Variants in ABCC5 observed in about 807,000 individuals in gnomAD.
ABCC5 encodes ATP-binding cassette sub-family C member 5.
In ABCC5, 61 loss-of-function variants were observed where a neutral mutation model predicts 160.9. The ratio of observed to expected loss-of-function variants is 0.38; its 90% confidence interval spans 0.31 to 0.47. ABCC5 has a LOEUF of 0.47. Ranked by LOEUF, ABCC5 falls within the 20% of genes least tolerant of loss-of-function variation. The pLI, the probability that ABCC5 is intolerant of heterozygous loss-of-function variation, is 0.99. For missense variants in ABCC5, 1,308 were observed against 1,813.3 expected (o/e 0.72, Z 5.06); for synonymous variants, 666 against 700.6 (o/e 0.95, Z 0.78).
In ABCC5 at chr3:183,953,088, C is replaced by G. The variant is rs750734382; in HGVS notation, c.2665G>C (p.Gly889Arg). 3.7e-6 allele frequency: 6 copies of G among 1,613,062 alleles called. No homozygotes were observed. The highest frequency in any genetic ancestry group is 5.1e-6 in the Non-Finnish European group (6 of 1,179,666). Residue 889 changes from glycine (G) to arginine (R), a missense_variant and splice_region_variant, in exon 18 of 30, where the codon GGG becomes CGG. Coordinates refer to ENST00000334444, the MANE Select transcript of ABCC5 (RefSeq NM_005688.4). Reference sequence around the variant, plus strand: ...TTCCCATTTATGAGTAACCTTACCCCGCTTCCTTGCTTGATCCAGTAACTC... The same window carrying G: ...TTCCCATTTATGAGTAACCTTACCCGGCTTCCTTGCTTGATCCAGTAACTC... ...WLSYWIKQGS[G>R]NTTVTRGNET...
intron 17 of ABCC5, among the ~76,000 whole-genome samples, chr3:183,957,592 G>T (rs1296329196): frequency 6.6e-6 from 1 of 151,706 alleles, no homozygotes; most frequent in Non-Finnish European, 1.5e-5. Flanking sequence ...ATGCTTATCC[G>T]TGTGTACATC....
In ABCC5 at chr3:183,971,924, TAGG is replaced by T; in HGVS notation, c.1405-8_1405-6del. 1 of 1,613,742 alleles carries T rather than the reference TAGG, an allele frequency of 6.2e-7. No individual in the cohort carries two copies. The highest frequency in any genetic ancestry group is 8.5e-7 in the Non-Finnish European group (1 of 1,180,018). On this transcript the variant is annotated splice_polypyrimidine_tract_variant and splice_region_variant and intron_variant, in intron 10 of 29. Transcript: ENST00000334444. ...CTCTTCCATTAGAAACAAACTCTGATAGGAGTTGTGAGAGAGGTGCAAAGATGA... is the reference window on the plus strand; with the variant it reads ...CTCTTCCATTAGAAACAAACTCTGATAGTTGTGAGAGAGGTGCAAAGATGA...
At chr3:183,955,851 T>C (rs1304410457) in intron 17 of ABCC5, among the ~76,000 whole-genome samples, 1 of 143,818 alleles carries the variant, frequency 7.0e-6, no homozygotes, top group African/African-American at 2.5e-5. Context: ...TCACATCGGT[T>C]ACATGCAGAT....
rs1718427405 is a variant in ABCC5 at position 183,978,613 on chromosome 3, C to T, written c.1186G>A (p.Gly396Arg). The T allele has an allele frequency of 6.2e-7, 1 of 1,613,830 alleles. No individual in the cohort carries two copies. Among genetic ancestry groups the T allele is most frequent in the Admixed American group, 1.7e-5 (1 of 59,956 alleles). ...EEERRILEKA[G>R]YFQSITVGVA... The stretch of plus-strand genomic sequence containing the variant: ...CCCACAGTGATGCTCTGGAAGTACC[C>T]AGCTTTTTCCAATATCCGACGCTCC... The change falls in exon 9 of 30, where the codon GGG (glycine) becomes AGG (arginine). Residue 396 changes from glycine (G) to arginine (R), a missense_variant. Physicochemically the swap from Gly to Arg is moderately radical, Grantham distance 125 (BLOSUM62 -2). Around this residue, in one of 3 missense-constraint regions of ABCC5, gnomAD observed 1,142 missense variants for 1,527.1 expected, o/e 0.75. Coordinates refer to ENST00000334444, the MANE Select transcript of ABCC5 (RefSeq NM_005688.4).
At chr3:183,958,514 A>G (rs779510518) in intron 17 of ABCC5, among the ~76,000 whole-genome samples, 4 of 152,216 alleles carry the variant, frequency 2.6e-5, no homozygotes, top group African/African-American at 4.8e-5. Flanking sequence ...GGGTGTGTCA[A>G]TAAGGTATCA....
rs568755447 is a variant in ABCC5, at chr3:183,972,641, A to C, written c.1405-722T>G. Among the ~76,000 whole-genome samples, 5 of 152,280 alleles carry C rather than the reference A, an allele frequency of 3.3e-5. No individual in the cohort carries two copies. In the East Asian group the frequency reaches 9.6e-4, roughly 29 times the overall value. ...TCCCAGAGACCCCTGAGTTATGTTAAAAGAAAAATAATTTTTTTTTTGAGA... is the reference window on the plus strand; with the variant it reads ...TCCCAGAGACCCCTGAGTTATGTTACAAGAAAAATAATTTTTTTTTTGAGA... On this transcript the variant is annotated intron_variant, in intron 10 of 29. Transcript: ENST00000334444.
rs994252936 is a variant in ABCC5, at chr3:183,992,561, G to A, written c.130-3178C>T. 1.5e-4 allele frequency among the ~76,000 whole-genome samples: 23 copies of A among 152,066 alleles called. No individual in the cohort carries two copies. In the East Asian group the frequency reaches 4.5e-3, roughly 29 times the overall value. On this transcript the variant is annotated intron_variant, in intron 2 of 29. Transcript: ENST00000334444. ...AGCACTTTGGGAGGCCAAGGTGGGCGGATCACGAGGTCAGGAGATCGAGAC... is the reference window on the plus strand; with the variant it reads ...AGCACTTTGGGAGGCCAAGGTGGGCAGATCACGAGGTCAGGAGATCGAGAC...
In ABCC5 at chr3:183,953,213, C is replaced by A; in HGVS notation, c.2540G>T (p.Gly847Val). 4 of 1,614,130 alleles carry A rather than the reference C, an allele frequency of 2.5e-6. No individual in the cohort carries two copies. Among genetic ancestry groups the A allele is most frequent in the Non-Finnish European group, 3.4e-6 (4 of 1,180,010 alleles). ...GCCCCCAGCAGCCTGGATGTAGACA[C>A]CATATACTGACCAGGGCACTGAACC... ...GQGSVPWSVY[G>V]VYIQAAGGPL... Residue 847 changes from glycine (G) to valine (V), a missense_variant, in exon 18 of 30, where the codon GGT (glycine) becomes GTT (valine). Physicochemically the swap from Gly to Val is moderately radical, Grantham distance 109. Coordinates refer to ENST00000334444, the MANE Select transcript of ABCC5 (RefSeq NM_005688.4).
intron 10 of ABCC5, among the ~76,000 whole-genome samples, chr3:183,975,736 G>C (rs1411109435): frequency 6.6e-6 from 1 of 151,994 alleles, no homozygotes; most frequent in Non-Finnish European, 1.5e-5. Flanking sequence ...TAAGATAGAA[G>C]GGGTCTAAAG....
At chr3:184,006,818 C>A (rs182982217) in intron 2 of ABCC5, among the ~76,000 whole-genome samples, 138 of 152,122 alleles carry the variant, frequency 9.1e-4, no homozygotes, top group African/African-American at 3.1e-3. Flanking sequence ...AAAGGGTCAG[C>A]CTACCACAGA....
At chr3:183,945,486 G>C (rs986123280) in intron 24 of ABCC5, among the ~76,000 whole-genome samples, 1 of 152,196 alleles carries the variant, frequency 6.6e-6, no homozygotes, top group African/African-American at 2.4e-5. Flanking sequence ...AAGCTCAGCA[G>C]GGGGTCCTGA....
At position 183,951,198 on chromosome 3, in the gene ABCC5, C is replaced by CTG. The variant is rs1389861295; in HGVS notation, c.2944+241_2944+242dup. ...AGAAACCAATGCATTGCTTTAAAAT[C>CTG]TGTGTGTGTTTCAGAATCTCAGATG... is the stretch of plus-strand genomic sequence containing the variant. On this transcript the variant is annotated intron_variant, in intron 20 of 29. Coordinates refer to ENST00000334444, the MANE Select transcript of ABCC5 (RefSeq NM_005688.4). The surrounding 1 kb of genome is among the most constrained non-coding windows in gnomAD (Gnocchi z 4.7). Among the ~76,000 whole-genome samples, 12 of 152,224 alleles carry CTG rather than the reference C, an allele frequency of 7.9e-5. No individual in the cohort carries two copies. Among genetic ancestry groups the CTG allele is most frequent in the Non-Finnish European group, 1.5e-5 (1 of 68,044 alleles).
chr3:183,946,496 TG>T (rs1225105313), intron 23 of ABCC5, among the ~76,000 whole-genome samples: 1 of 152,290 alleles, frequency 6.6e-6, no homozygotes, highest in African/African-American at 2.4e-5. Context: ...CACATATCTC[TG>T]GGGTTCCTTT....
Position 183,988,574 on chromosome 3 carries a change from T to A in ABCC5, c.441A>T (p.Arg147Ser). 1 of 1,612,696 alleles carries A rather than the reference T, an allele frequency of 6.2e-7. No homozygotes were observed. The highest frequency in any genetic ancestry group is 8.5e-7 in the Non-Finnish European group (1 of 1,179,580). ...GAGGGTGGACCAGAGGCGCCTACCT[T>A]CTGCAGTTCACGTCAGAAGACTCGT... is the stretch of plus-strand genomic sequence containing the variant. ...SKHESSDVNC[R>S]RLERLWQEEL... The change falls in exon 4 of 30, where the codon AGA becomes AGT. Residue 147 changes from arginine (R) to serine (S), a missense_variant and splice_region_variant. This residue lies in a region of ABCC5 where 1,142 missense variants were observed against 1,527.1 expected (regional missense o/e 0.75). Coordinates refer to ENST00000334444, the MANE Select transcript of ABCC5 (RefSeq NM_005688.4). The surrounding 1 kb of genome is among the most constrained non-coding windows in gnomAD (Gnocchi z 4.4).
At chr3:183,980,159 A>G (rs996656558) in intron 8 of ABCC5, among the ~76,000 whole-genome samples, 10 of 152,128 alleles carry the variant, frequency 6.6e-5, no homozygotes, top group African/African-American at 2.2e-4. Context: ...ACAGGCATGT[A>G]CCACTGTACC....
rs535216137 is a variant in ABCC5 at position 183,982,714 on chromosome 3, A to G, written c.825+60T>C. On this transcript the variant is annotated intron_variant, in intron 6 of 29. Transcript: ENST00000334444. This position sits in a 1 kb window ranked among gnomAD's most constrained non-coding sequence, Gnocchi z 5.2. ...GATAAAGGATAAGGCAGGGCCCTAG[A>G]GGAATGAACCTCAAGCTAGGAAGTT... 2.6e-4 allele frequency: 413 copies of G among 1,608,722 alleles called. 2 individuals are homozygous for G. In the South Asian group the frequency reaches 4.3e-3, roughly 17 times the overall value.
intron 25 of ABCC5, 64 bp from the exon 26 acceptor site, chr3:183,938,124 TTAGCCTCAGGGCAATGCCAAC>T (rs1358270563): frequency 4.5e-6 from 7 of 1,548,014 alleles, no homozygotes; most frequent in Non-Finnish European, 6.2e-6. Flanking sequence ...CAATGCTGGT[TTAGCCTCAGGGCAATGCCAAC>T]TATTTTTCCA....
At chr3:183,956,372 C>A (rs13097656) in intron 17 of ABCC5, among the ~76,000 whole-genome samples, 565 of 85,310 alleles carry the variant, frequency 6.6e-3, no homozygotes, top group Middle Eastern at 0.04. Context: ...TTACATGCAG[C>A]TCCGTGTGTA....
chr3:183,984,716 G>A, intron 5 of ABCC5: 1 of 1,528,464 alleles, frequency 6.5e-7, no homozygotes, highest in South Asian at 1.2e-5. Context: ...TATACAGCCG[G>A]GTTGCTGGTT....
Sources: gnomAD v4.1 joint callset for allele counts (sites outside exome capture counted in the v4.1 genomes callset) on GRCh38, gnomAD v4.1.1 for gene constraint, gnomAD v4.1.1 regional missense constraint, Gnocchi (gnomAD v3.1) non-coding constraint, MANE v1.5 for transcripts, NCBI Gene and HGNC (gene_info 2026-07-23, HGNC 2026-07-21) for gene names.